Variants in LRP6 observed in about 807,000 individuals in gnomAD.
LRP6 encodes low-density lipoprotein receptor-related protein 6.
In LRP6, 43 loss-of-function variants were observed where a neutral mutation model predicts 184.1. The ratio of observed to expected loss-of-function variants is 0.23; its 90% confidence interval spans 0.18 to 0.30. The LOEUF is 0.30. Among genes scored for constraint, LRP6 ranks in the 10% least tolerant of loss-of-function variants. The pLI is 1.00. For missense variants in LRP6, 1,571 were observed against 2,005.3 expected (o/e 0.78, Z 4.14); for synonymous variants, 719 against 684.9 (o/e 1.05, Z -0.78).
At chr12:12,170,349 T>G (rs561439171) in intron 7 of LRP6, among the ~76,000 whole-genome samples, 1 of 152,190 alleles carries the variant, frequency 6.6e-6, no homozygotes, top group South Asian at 2.1e-4. Flanking sequence ...TATAAAACAG[T>G]AGACAGAATT....
chr12:12,249,416 T>C, intron 1 of LRP6: 1 of 814,904 alleles, frequency 1.2e-6, no homozygotes, highest in Non-Finnish European at 2.1e-6. Context: ...TCAAGGACAG[T>C]GTTACAGCAA....
chr12:12,258,468 A>C (rs1287518011), intron 1 of LRP6, among the ~76,000 whole-genome samples: 2 of 152,236 alleles, frequency 1.3e-5, no homozygotes, highest in African/African-American at 4.8e-5. Flanking sequence ...TTGAGTCAAA[A>C]CACAAAATGG....
At chr12:12,133,458 T>G (rs561651264) in intron 17 of LRP6, among the ~76,000 whole-genome samples, 1 of 152,208 alleles carries the variant, frequency 6.6e-6, no homozygotes, top group South Asian at 2.1e-4. Context: ...TCTTTTGCCA[T>G]GTGACCTGCC....
At position 12,244,579 on chromosome 12, in the gene LRP6, C is replaced by T. The variant is rs762706358; in HGVS notation, c.132G>A (p.Thr44=). 1.3e-5 allele frequency: 21 copies of T among 1,614,034 alleles called. No individual in the cohort carries two copies. The highest frequency in any genetic ancestry group is 1.0e-4 in the Admixed American group (6 of 59,996). The change falls in exon 2 of 23, where the codon ACG becomes ACA. Residue 44 remains threonine, a synonymous_variant. Coordinates refer to ENST00000261349, the MANE Select transcript of LRP6 (RefSeq NM_002336.3). ...CATCCTCCAAGCCTCCAACTACAAT[C>T]GTAGCATTCTCTTTGCCATTTGTAG... ...VDATNGKENA[T]IVVGGLEDAA...
intron 2 of LRP6, among the ~76,000 whole-genome samples, chr12:12,216,459 A>C (rs184393435): frequency 1.8e-4 from 28 of 152,272 alleles, no homozygotes; most frequent in Admixed American, 1.7e-3. Context: ...GAGAAGACAA[A>C]TCCAAGAGCT....
chr12:12,167,955 C>A (rs2136958192), intron 7 of LRP6, among the ~76,000 whole-genome samples: 1 of 152,194 alleles, frequency 6.6e-6, no homozygotes, highest in Middle Eastern at 3.4e-3. Context: ...ATCCTGAAAC[C>A]AGTGGGAAAC....
chr12:12,157,062 C>A (rs1263679705), intron 12 of LRP6, among the ~76,000 whole-genome samples: 6 of 152,322 alleles, frequency 3.9e-5, no homozygotes, highest in African/African-American at 1.2e-4. Flanking sequence ...CCTAAACACC[C>A]ACAAAGCCTA....
Position 12,126,740 on chromosome 12 carries a change from C to A in LRP6, c.4263G>T (p.Val1421=). The change falls in exon 20 of 23, where the codon GTG becomes GTT. Residue 1421 remains valine (V), a synonymous_variant. Coordinates refer to ENST00000261349, the MANE Select transcript of LRP6 (RefSeq NM_002336.3). ...NDYVVHGPAS[V]PLGYVPHPSS... ...TTGGGTGTGGCACATAACCAAGAGG[C>A]ACAGAAGCTGGTCCATGAACTACAT... 1 of 1,614,098 alleles carries A rather than the reference C, an allele frequency of 6.2e-7. No individual in the cohort carries two copies. The highest frequency in any genetic ancestry group is 8.5e-7 in the Non-Finnish European group (1 of 1,179,976).
chr12:12,150,198 T>C (rs1420091003), intron 13 of LRP6, among the ~76,000 whole-genome samples: 1 of 152,130 alleles, frequency 6.6e-6, no homozygotes, highest in African/African-American at 2.4e-5. Context: ...GATAGTGATG[T>C]GTAAATCCAT....
At position 12,266,962 on chromosome 12, in the gene LRP6, C is replaced by CCCG. The variant is rs1865788381; in HGVS notation, c.-230_-228dup. The CCCG allele has an allele frequency of 3.7e-6, 2 of 545,838 alleles. No individual in the cohort carries two copies. The highest frequency in any genetic ancestry group is 2.3e-5 in the South Asian group (1 of 43,566). The allele number at this position is 545,838 out of a possible 1,614,324, so 33.8% of individuals were successfully genotyped here. A position where few individuals can be genotyped will look rare whatever the true frequency, so the allele number is the denominator to read the frequency against. On this transcript the variant is annotated 5_prime_UTR_variant, in exon 1 of 23. Transcript: ENST00000261349. The stretch of plus-strand genomic sequence containing the variant: ...GCGCGACGCCAGCGTCTGCTTCCAT[C>CCCG]CCGCCGCCTCCTCCCCCGGCGCCCC...
At chr12:12,218,210 T>C (rs1474705812) in intron 2 of LRP6, among the ~76,000 whole-genome samples, 1 of 152,140 alleles carries the variant, frequency 6.6e-6, no homozygotes, top group Non-Finnish European at 1.5e-5. Flanking sequence ...TAGTGGTTCA[T>C]ACCTATAGTC....
Position 12,164,383 on chromosome 12 carries a change from C to T in LRP6, c.1942G>A (p.Glu648Lys). The change falls in exon 9 of 23, where the codon GAA becomes AAA. Residue 648 changes from glutamate (E) to lysine (K), a missense_variant. Physicochemically the swap from Glu to Lys is moderately conservative, Grantham distance 56. Coordinates refer to ENST00000261349, the MANE Select transcript of LRP6 (RefSeq NM_002336.3). ...ATAGCCACATTATTATTGTTTGTTT[C>T]CAGAGAAATTCGTCTGATATCTGCT... ...RRADIRRISL[E>K]TNNNNVAIPL... The T allele has an allele frequency of 6.2e-7, 1 of 1,614,088 alleles. No homozygotes were observed. The highest frequency in any genetic ancestry group is 8.5e-7 in the Non-Finnish European group (1 of 1,180,006).
intron 3 of LRP6, among the ~76,000 whole-genome samples, chr12:12,188,468 A>G (rs1389002463): frequency 1.3e-5 from 2 of 152,166 alleles, no homozygotes; most frequent in Non-Finnish European, 1.5e-5. Context: ...AGATGATTCA[A>G]TTTTCAGGTC....
At position 12,181,263 on chromosome 12, in the gene LRP6, G is replaced by C; in HGVS notation, c.1153C>G (p.Arg385Gly). ...YWTDDEVRAI[R>G]RSFIDGSGSQ... ...CCAGATCCATCTATAAATGAACGGC[G>C]TATGGCCCTCACTTCATCATCAGTC... The change falls in exon 6 of 23, where the codon CGC becomes GGC. Residue 385 changes from arginine to glycine, a missense_variant. Physicochemically the swap from Arg to Gly is moderately radical, Grantham distance 125 (BLOSUM62 -2). Around this residue, in one of 4 missense-constraint regions of LRP6, gnomAD observed 640 missense variants for 851.9 expected, o/e 0.75. Transcript: ENST00000261349. 6.2e-7 allele frequency: 1 copy of C among 1,614,092 alleles called. No individual in the cohort carries two copies. The highest frequency in any genetic ancestry group is 1.1e-5 in the South Asian group (1 of 91,080).
chr12:12,239,766 G>A (rs993627002), intron 2 of LRP6, among the ~76,000 whole-genome samples: 1 of 150,944 alleles, frequency 6.6e-6, no homozygotes, highest in Non-Finnish European at 1.5e-5. Flanking sequence ...AAAGCTCAAT[G>A]TTACAAGCAA....
chr12:12,164,965 G>A (rs1326654787), intron 8 of LRP6, 114 bp downstream of exon 8: 3 of 547,344 alleles, frequency 5.5e-6, no homozygotes, highest in Non-Finnish European at 9.9e-6. Context: ...AGGCGGGGGG[G>A]CAGTAAAGAA....
chr12:12,170,815 ACACACACACACACACACG>A (rs1401231486), intron 7 of LRP6, among the ~76,000 whole-genome samples: 6 of 150,824 alleles, frequency 4.0e-5, no homozygotes, highest in Non-Finnish European at 8.9e-5. Context: ...ACACACACAC[ACACACACACACACACACG>A]TCTTAGATGA....
intron 3 of LRP6, among the ~76,000 whole-genome samples, chr12:12,199,980 A>C (rs914833750): frequency 1.0e-4 from 15 of 148,304 alleles, no homozygotes; most frequent in Non-Finnish European, 1.9e-4. Context: ...AAAAAAAAAA[A>C]AAAAAAAAAA....
chr12:12,149,158 G>A lies in LRP6; in HGVS notation c.2995-5C>T, dbSNP rs1423636535. The A allele has an allele frequency of 8.1e-6, 13 of 1,612,648 alleles. No individual in the cohort carries two copies. Among genetic ancestry groups the A allele is most frequent in the Non-Finnish European group, 1.1e-5 (13 of 1,178,956 alleles). ...GCTCACAACCACAGTAAAGCCCTAG[G>A]GAAAAAAAGAAATACAGAGAAAATT... is the stretch of plus-strand genomic sequence containing the variant. On this transcript the variant is annotated splice_polypyrimidine_tract_variant and splice_region_variant and intron_variant, in intron 13 of 22. Transcript: ENST00000261349.
Sources: allele counts gnomAD v4.1 joint callset (sites outside exome capture counted in the v4.1 genomes callset), GRCh38; gene constraint gnomAD v4.1.1; regional missense constraint gnomAD v4.1.1; transcripts MANE v1.5; gene names NCBI Gene and HGNC (gene_info 2026-07-23, HGNC 2026-07-21).